Variants in EPHA6 observed in about 807,000 individuals in gnomAD.
The protein encoded by EPHA6 is ephrin type-A receptor 6.
EPHA6 carries 50 observed loss-of-function variants against 112.0 expected under a neutral mutation model. That is an observed-to-expected ratio of 0.45 (90% CI 0.36 to 0.56). The LOEUF (loss-of-function observed/expected upper bound fraction) is 0.56. Among genes scored for constraint, EPHA6 ranks in the 20% least tolerant of loss-of-function variants. The pLI, the probability that EPHA6 is intolerant of heterozygous loss-of-function variation, is 0.00. For missense variants in EPHA6, 1,280 were observed against 1,417.4 expected, an observed-to-expected ratio of 0.90 and a Z score of 1.56; for synonymous variants, 529 against 490.7, an observed-to-expected ratio of 1.08 and a Z score of -1.03.
chr3:97,427,792 A>C (rs2089248508), intron 6 of EPHA6, among the ~76,000 whole-genome samples: 1 of 152,102 alleles, frequency 6.6e-6, no homozygotes. Context: ...ACTCAAGGGC[A>C]TTATCCTAAG....
chr3:97,418,538 A>G (rs9845147), intron 6 of EPHA6, among the ~76,000 whole-genome samples: 18,738 of 152,122 alleles, frequency 0.12, 3,696 homozygotes, highest in African/African-American at 0.41. Context: ...GAAAGTAGAC[A>G]GTTGAAAATA....
intron 14 of EPHA6, among the ~76,000 whole-genome samples, chr3:97,705,922 C>T (rs915085511): frequency 1.3e-5 from 2 of 152,196 alleles, no homozygotes; most frequent in African/African-American, 4.8e-5. Flanking sequence ...CCACGCAGTG[C>T]TCCAGTGATG....
intron 5 of EPHA6, among the ~76,000 whole-genome samples, chr3:97,373,597 C>T (rs986149699): frequency 3.3e-5 from 5 of 151,986 alleles, no homozygotes; most frequent in African/African-American, 9.7e-5. Context: ...ATTCATCAGC[C>T]ATAAAGTCAG....
At chr3:97,381,368 AC>A (rs1486502299) in intron 5 of EPHA6, among the ~76,000 whole-genome samples, 2 of 152,014 alleles carry the variant, frequency 1.3e-5, no homozygotes, top group African/African-American at 4.8e-5. Context: ...GCCTTTAAAA[AC>A]CCTGTGACAT....
At chr3:96,818,707 A>AT (rs1254612316) in intron 1 of EPHA6, among the ~76,000 whole-genome samples, 4 of 151,952 alleles carry the variant, frequency 2.6e-5, no homozygotes, top group African/African-American at 9.7e-5. Flanking sequence ...CATTGAGGAA[A>AT]TTTTTAAAGA....
intron 3 of EPHA6, among the ~76,000 whole-genome samples, chr3:97,031,481 A>G (rs1463687658): frequency 2.0e-5 from 3 of 152,168 alleles, no homozygotes; most frequent in Non-Finnish European, 4.4e-5. Flanking sequence ...CTACACAGCA[A>G]AAGAAACCAC....
At chr3:97,336,404 A>G (rs1403515551) in intron 5 of EPHA6, among the ~76,000 whole-genome samples, 1 of 152,186 alleles carries the variant, frequency 6.6e-6, no homozygotes, top group Non-Finnish European at 1.5e-5. Context: ...GGATGCTTGA[A>G]TAAAGAGCAT....
chr3:97,305,018 A>G (rs1379583500), intron 5 of EPHA6, among the ~76,000 whole-genome samples: 1 of 152,056 alleles, frequency 6.6e-6, no homozygotes, highest in Non-Finnish European at 1.5e-5. Context: ...TTTAGAATCT[A>G]AAAGGAACTT....
chr3:97,590,609 G>A lies in EPHA6; in HGVS notation c.2387-2003G>A, dbSNP rs1056538685. ...ATTTCATTTATATCATTTTTTCTTT[G>A]CTCTTCATGACTATGTTATTATGTT... On this transcript the variant is annotated intron_variant, in intron 11 of 17. Transcript: ENST00000389672. 1.6e-4 allele frequency among the ~76,000 whole-genome samples: 24 copies of A among 151,126 alleles called. 1 individual carries two copies. The highest frequency in any genetic ancestry group is 1.5e-3 in the Admixed American group (23 of 15,172).
chr3:97,629,032 G>C (rs1390398143), intron 13 of EPHA6, among the ~76,000 whole-genome samples: 1 of 151,952 alleles, frequency 6.6e-6, no homozygotes, highest in African/African-American at 2.4e-5. Context: ...TTCTGGGCTT[G>C]AAATTCTCCC....
At chr3:97,592,121 G>C (rs930445713) in intron 11 of EPHA6, among the ~76,000 whole-genome samples, 1 of 152,070 alleles carries the variant, frequency 6.6e-6, no homozygotes, top group Non-Finnish European at 1.5e-5. Context: ...TCTTGTCCCT[G>C]TTGCAAAAAT....
intron 3 of EPHA6, among the ~76,000 whole-genome samples, chr3:97,147,256 T>G (rs1370370360): frequency 6.6e-6 from 1 of 152,112 alleles, no homozygotes; most frequent in Non-Finnish European, 1.5e-5. Flanking sequence ...CGAGATTCAT[T>G]TGGGCACATC....
Position 96,825,022 on chromosome 3 carries a change from C to T in EPHA6, c.385+10014C>T, listed in dbSNP as rs1210686467. On this transcript the variant is annotated intron_variant, in intron 1 of 17. Transcript: ENST00000389672. The stretch of plus-strand genomic sequence containing the variant: ...CAAATAAGCCTGAGAACTTGAGAAG[C>T]TTGAGTTATACATGGGAAATGAAAA... Among the ~76,000 whole-genome samples, 6 of 151,930 alleles carry T rather than the reference C, an allele frequency of 3.9e-5. No individual in the cohort carries two copies. The East Asian group carries it at 9.7e-4, about 24-fold the overall frequency.
intron 15 of EPHA6, among the ~76,000 whole-genome samples, chr3:97,727,048 G>A (rs1484337513): frequency 6.6e-6 from 1 of 152,012 alleles, no homozygotes; most frequent in East Asian, 1.9e-4. Flanking sequence ...GCACTTTGAA[G>A]CCCAAATGCC....
At chr3:97,316,560 A>G (rs1443519238) in intron 5 of EPHA6, among the ~76,000 whole-genome samples, 3 of 151,934 alleles carry the variant, frequency 2.0e-5, no homozygotes, top group East Asian at 3.8e-4. Context: ...CCCTGATGCT[A>G]TAAAACGTGT....
chr3:97,126,279 C>G (rs917034286), intron 3 of EPHA6, among the ~76,000 whole-genome samples: 2 of 152,148 alleles, frequency 1.3e-5, no homozygotes, highest in African/African-American at 4.8e-5. Flanking sequence ...GTTCTCTTGT[C>G]TCAGAATCCA....
chr3:96,935,753 TTA>T (rs59358202), intron 2 of EPHA6, among the ~76,000 whole-genome samples: 2 of 146,822 alleles, frequency 1.4e-5, no homozygotes, highest in Admixed American at 1.4e-4. Flanking sequence ...TATGCACACA[TTA>T]TATATATGTG....
chr3:97,287,035 T>C (rs1010765087), intron 5 of EPHA6, among the ~76,000 whole-genome samples: 2 of 152,136 alleles, frequency 1.3e-5, no homozygotes, highest in Admixed American at 6.5e-5. Context: ...TTCATTTCCT[T>C]TTCTGCTAGT....
At chr3:97,500,191 C>T (rs1209919221) in intron 10 of EPHA6, among the ~76,000 whole-genome samples, 1 of 152,162 alleles carries the variant, frequency 6.6e-6, no homozygotes, top group African/African-American at 2.4e-5. Flanking sequence ...CTTCCACCTC[C>T]ACATCTTTTG....
Sources: gnomAD v4.1 joint callset for allele counts (sites outside exome capture counted in the v4.1 genomes callset) on GRCh38, gnomAD v4.1.1 for gene constraint, MANE v1.5 for transcripts, NCBI Gene and HGNC (gene_info 2026-07-23, HGNC 2026-07-21) for gene names.